The following NLRP13 variants were observed in gnomAD, a reference collection of about 807,000 sequenced individuals.
NLRP13 encodes the protein NLR family pyrin domain containing 13, also known as NACHT, LRR and PYD domains-containing protein 13.
A neutral mutation model predicts 94.4 loss-of-function variants in NLRP13; 82 were observed. The observed-to-expected ratio is 0.87, with a 90% CI of 0.73 to 1.04. NLRP13 has a LOEUF of 1.04. NLRP13 is among the 50% of genes least tolerant of loss of function. The probability of loss-of-function intolerance (pLI) is 0.00; values close to 1 mark genes in which losing one functional copy is unlikely to be tolerated. For synonymous variants in NLRP13, 553 were observed against 464.7 expected, an observed-to-expected ratio of 1.19 and a Z score of -2.45; for missense variants, 1,426 against 1,230.8, an observed-to-expected ratio of 1.16 and a Z score of -2.37.
intron 7 of NLRP13, among the ~76,000 whole-genome samples, chr19:55,905,434 C>CAT (rs1161630612): frequency 6.7e-6 from 1 of 149,890 alleles, no homozygotes; most frequent in Non-Finnish European, 1.5e-5. Context: ...TATACACACA[C>CAT]ATATATATGT....
chr19:55,905,082 G>C lies in NLRP13; in HGVS notation c.2478C>G (p.Ser826Arg). The change falls in exon 8 of 11, where the codon AGC (serine) becomes AGG (arginine). Residue 826 changes from serine (S) to arginine (R), a missense_variant. Transcript: ENST00000342929. ...TGAGAAACAAGGCTAGGTCCTGACA[G>C]CTGGCTGCCGACAAGTTGCATTTCT... ...CLEKCNLSAA[S>R]CQDLALFLTS... 1 of 1,613,878 alleles carries C rather than the reference G, an allele frequency of 6.2e-7. No individual in the cohort carries two copies. Among genetic ancestry groups the C allele is most frequent in the Non-Finnish European group, 8.5e-7 (1 of 1,179,920 alleles).
intron 9 of NLRP13, among the ~76,000 whole-genome samples, chr19:55,899,476 AC>A (rs200194920): frequency 4.5e-4 from 67 of 148,320 alleles, no homozygotes; most frequent in Middle Eastern, 3.5e-3. Flanking sequence ...CCTTAAACCC[AC>A]CCCCCCCATC....
At chr19:55,902,002 T>C (rs368791481) in intron 9 of NLRP13, 33 bp downstream of exon 9, 4 of 1,609,874 alleles carry the variant, frequency 2.5e-6, no homozygotes, top group Non-Finnish European at 3.4e-6. Flanking sequence ...CTCTCCTCCA[T>C]CTGCCAACTC....
At position 55,912,046 on chromosome 19, in the gene NLRP13, G is replaced by T; in HGVS notation, c.1771C>A (p.Leu591Ile). Reference sequence around the variant, plus strand: ...TCTCTTGCTATGTTTTTATTTAAAAGACCAAAGAAGAACAGAACCACTGGA... The same window carrying T: ...TCTCTTGCTATGTTTTTATTTAAAATACCAAAGAAGAACAGAACCACTGGA... The part of the protein sequence containing the change: ...WTPVVLFFFG[L>I]LNKNIARELE... The change falls in exon 5 of 11, where the codon CTT (leucine) becomes ATT (isoleucine). Residue 591 changes from leucine to isoleucine, a missense_variant. Leu to Ile is a conservative substitution (Grantham distance 5). Transcript: ENST00000342929. 1 of 1,614,114 alleles carries T rather than the reference G, an allele frequency of 6.2e-7. No individual in the cohort carries two copies. Among genetic ancestry groups the T allele is most frequent in the Non-Finnish European group, 8.5e-7 (1 of 1,180,020 alleles).
downstream of NLRP13, among the ~76,000 whole-genome samples, chr19:55,893,501 T>C (rs930337514): frequency 1.3e-5 from 2 of 152,142 alleles, no homozygotes; most frequent in African/African-American, 4.8e-5. Context: ...GAAGGGTAAC[T>C]TTTGTTTACC....
At chr19:55,922,157 C>A (rs1022216301) in intron 4 of NLRP13, among the ~76,000 whole-genome samples, 4 of 151,850 alleles carry the variant, frequency 2.6e-5, no homozygotes, top group Admixed American at 2.6e-4. Flanking sequence ...ATGAGAACAG[C>A]GAGGGAAAGA....
intron 9 of NLRP13, among the ~76,000 whole-genome samples, chr19:55,900,252 A>G (rs302831): frequency 0.57 from 86,928 of 151,948 alleles, 25,280 homozygotes; most frequent in Middle Eastern, 0.67. Context: ...GTTAAAAAAA[A>G]AATCAGCAAA....
intron 6 of NLRP13, among the ~76,000 whole-genome samples, chr19:55,910,177 C>T (rs891359547): frequency 2.6e-5 from 4 of 152,174 alleles, no homozygotes; most frequent in Non-Finnish European, 5.9e-5. Context: ...TGCAGGAGTA[C>T]CCATCAAACA....
chr19:55,912,180 A>G lies in NLRP13; in HGVS notation c.1637T>C (p.Met546Thr). Residue 546 changes from methionine (M) to threonine (T), a missense_variant, in exon 5 of 11, where the codon ATG becomes ACG. By Grantham distance (81) the Met-to-Thr change is moderately conservative (BLOSUM62 -1). Coordinates refer to ENST00000342929, the MANE Select transcript of NLRP13 (RefSeq NM_176810.2). ...TCTAGGTTCCTCTAGCACAAAGGAC[A>G]TGGCTGCAAAAAACTCCTGGAAACT... ...HLSFQEFFAA[M>T]SFVLEEPREF... The G allele has an allele frequency of 3.7e-6, 6 of 1,614,200 alleles. No homozygotes were observed. The highest frequency in any genetic ancestry group is 4.2e-6 in the Non-Finnish European group (5 of 1,180,032).
rs1157754608 is a variant in NLRP13, at chr19:55,902,119, A to AG, written c.2704dup (p.Leu902ProfsTer16). 1 of 1,614,104 alleles carries AG rather than the reference A, an allele frequency of 6.2e-7. No individual in the cohort carries two copies. The highest frequency in any genetic ancestry group is 8.5e-7 in the Non-Finnish European group (1 of 1,179,992). ...CTCGTCTCTCAGGCTGTTCTTGCTCAGATTCAGGTGTGTCAGGCTCCTGTT... is the reference window on the plus strand; with the variant it reads ...CTCGTCTCTCAGGCTGTTCTTGCTCAGGATTCAGGTGTGTCAGGCTCCTGTT... On this transcript the variant is annotated frameshift_variant, in exon 9 of 11. Transcript: ENST00000342929. LOFTEE classifies it high-confidence loss of function.
At position 55,902,213 on chromosome 19, in the gene NLRP13, G is replaced by T. The variant is rs1313991464; in HGVS notation, c.2619-8C>A. 1 of 1,613,158 alleles carries T rather than the reference G, an allele frequency of 6.2e-7. No individual in the cohort carries two copies. The highest frequency in any genetic ancestry group is 8.5e-7 in the Non-Finnish European group (1 of 1,179,784). On this transcript the variant is annotated splice_region_variant and splice_polypyrimidine_tract_variant and intron_variant, in intron 8 of 10. Coordinates refer to ENST00000342929, the MANE Select transcript of NLRP13 (RefSeq NM_176810.2). ...AGCTGGCAAAACCAGAGCCTGCAGG[G>T]TGAAAGCCACAGAGATGGACACTCA...
intron 4 of NLRP13, among the ~76,000 whole-genome samples, chr19:55,919,129 C>A (rs972532593): frequency 6.6e-6 from 1 of 152,092 alleles, no homozygotes; most frequent in Non-Finnish European, 1.5e-5. Context: ...ACTATATGAT[C>A]ATCTCTACAG....
rs558392819 is a variant in NLRP13, at chr19:55,900,603, G to A, written c.2789+1432C>T. Among the ~76,000 whole-genome samples the A allele has an allele frequency of 5.6e-4, 59 of 105,622 alleles. No homozygotes were observed. The East Asian group carries it at 0.014, about 26-fold the overall frequency. The allele number at this position is 105,622 out of a possible 152,430, so 69.3% of individuals were successfully genotyped here. On this transcript the variant is annotated intron_variant, in intron 9 of 10. Coordinates refer to ENST00000342929, the MANE Select transcript of NLRP13 (RefSeq NM_176810.2). ...TGGCTAACATGGTGAAACCCCATCT[G>A]TACTAAAAAAAAAATACAAAAAATT...
chr19:55,898,786 C>A lies in NLRP13; in HGVS notation c.2941G>T (p.Ala981Ser). ...LLCEALKPHR[A>S]LHTLGLAKCN... ...TCAACTCACCCAAGTGTGTGCAATG[C>A]ACGATGTGGTTTCAGAGCCTCACAC... Residue 981 changes from alanine (A) to serine (S), a missense_variant, in exon 10 of 11, where the codon GCA (alanine) becomes TCA (serine). Transcript: ENST00000342929. The A allele has an allele frequency of 6.2e-7, 1 of 1,609,502 alleles. No individual in the cohort carries two copies. The highest frequency in any genetic ancestry group is 8.5e-7 in the Non-Finnish European group (1 of 1,178,100).
intron 4 of NLRP13, among the ~76,000 whole-genome samples, chr19:55,920,978 C>A (rs1376157993): frequency 6.6e-6 from 1 of 152,038 alleles, no homozygotes; most frequent in African/African-American, 2.4e-5. Flanking sequence ...ATGGATAGAA[C>A]TGGAGGCCAT....
At chr19:55,928,547 C>T (rs551968991) in intron 1 of NLRP13, among the ~76,000 whole-genome samples, 3 of 152,244 alleles carry the variant, frequency 2.0e-5, no homozygotes, top group East Asian at 3.9e-4. Context: ...TAAATATAGA[C>T]ACCTACTATG....
intron 4 of NLRP13, among the ~76,000 whole-genome samples, chr19:55,914,141 T>C (rs1172890029): frequency 2.6e-5 from 4 of 152,158 alleles, no homozygotes; most frequent in Non-Finnish European, 4.4e-5. Flanking sequence ...ATTCTCCCCA[T>C]TCCTGGGTTT....
At position 55,898,193 on chromosome 19, in the gene NLRP13, AGTTTTT is replaced by A. The variant is rs1245545946; in HGVS notation, c.2957+571_2957+576del. Among the ~76,000 whole-genome samples the A allele has an allele frequency of 7.1e-4, 79 of 111,358 alleles. 1 individual carries two copies. Among genetic ancestry groups the A allele is most frequent in the Non-Finnish European group, 1.0e-3 (58 of 57,884 alleles). The allele number at this position is 111,358 out of a possible 152,430, so 73.1% of individuals were successfully genotyped here. On this transcript the variant is annotated intron_variant, in intron 10 of 10. Transcript: ENST00000342929. Reference sequence around the variant, plus strand: ...CTTCAAGCTTATCATCTAGCAGGAGAGTTTTTGTTTTTGTTTTTGTTTTTTTTTTTT... The same window carrying A: ...CTTCAAGCTTATCATCTAGCAGGAGAGTTTTTGTTTTTGTTTTTTTTTTTT...
intron 9 of NLRP13, among the ~76,000 whole-genome samples, chr19:55,900,620 C>A (rs1986140605): frequency 7.1e-6 from 1 of 140,194 alleles, no homozygotes; most frequent in Admixed American, 7.1e-5. Context: ...AAAAAAAATA[C>A]AAAAAATTAG....
Sources: allele counts gnomAD v4.1 joint callset (sites outside exome capture counted in the v4.1 genomes callset), GRCh38; gene constraint gnomAD v4.1.1; transcripts MANE v1.5; gene names NCBI Gene and HGNC (gene_info 2026-07-23, HGNC 2026-07-21).